The following TLN2 variants were observed in gnomAD, a reference collection of about 807,000 sequenced individuals.
The protein encoded by TLN2 is talin 2.
In TLN2, 118 loss-of-function variants were observed where a neutral mutation model predicts 294.7. The observed-to-expected ratio is 0.40, with a 90% confidence interval of 0.34 to 0.47. The LOEUF is 0.47. Ranked by LOEUF, TLN2 falls within the 20% of genes least tolerant of loss-of-function variation. The pLI is 0.84. For synonymous variants in TLN2, 1,431 were observed against 1,304.5 expected (o/e 1.10, Z -2.09); for missense variants, 3,083 against 3,282.2 (o/e 0.94, Z 1.48).
At chr15:62,735,312 A>T (rs1275678633) in intron 28 of TLN2, among the ~76,000 whole-genome samples, 2 of 152,216 alleles carry the variant, frequency 1.3e-5, no homozygotes, top group African/African-American at 4.8e-5. Context: ...ACTGTGTGCC[A>T]GGTAGTAAGA....
chr15:62,640,439 A>AG (rs2050915310), intron 3 of TLN2: 5 of 441,696 alleles, frequency 1.1e-5, no homozygotes, highest in South Asian at 8.0e-5. Flanking sequence ...GAGGTATGGT[A>AG]GCCTGGCCCT....
chr15:62,562,989 C>T (rs188915638), intron 1 of TLN2, among the ~76,000 whole-genome samples: 207 of 148,212 alleles, frequency 1.4e-3, no homozygotes, highest in African/African-American at 4.7e-3. Context: ...TTTATCCCCT[C>T]GTTGATTGAT....
At chr15:62,638,463 A>G (rs925152611) in intron 3 of TLN2, 27 of 448,640 alleles carry the variant, frequency 6.0e-5, no homozygotes, top group African/African-American at 1.2e-4. Context: ...CTACCTGGCA[A>G]TGGGAGGGTA....
chr15:62,729,188 G>A (rs762670392), intron 28 of TLN2, among the ~76,000 whole-genome samples: 2 of 152,068 alleles, frequency 1.3e-5, no homozygotes, highest in African/African-American at 4.8e-5. Flanking sequence ...CTTTTCCATC[G>A]ATTTAATTGC....
chr15:62,650,440 A>C (rs1213044150), intron 5 of TLN2, among the ~76,000 whole-genome samples: 1 of 152,194 alleles, frequency 6.6e-6, no homozygotes, highest in Non-Finnish European at 1.5e-5. Flanking sequence ...GGTAATTGTG[A>C]GATAAGATAC....
chr15:62,572,334 G>A (rs1317680230), intron 1 of TLN2, among the ~76,000 whole-genome samples: 1 of 152,058 alleles, frequency 6.6e-6, no homozygotes, highest in Admixed American at 6.6e-5. Context: ...TCGACCTCCT[G>A]GGAACAAGTG....
intron 1 of TLN2, among the ~76,000 whole-genome samples, chr15:62,495,441 C>G (rs957702589): frequency 5.3e-5 from 8 of 152,306 alleles, no homozygotes; most frequent in African/African-American, 1.7e-4. Flanking sequence ...AGGAAAGCCT[C>G]TCATGGGAAT....
rs576795358 is a variant in TLN2 at position 62,697,084 on chromosome 15, A to G, written c.1293-604A>G. Among the ~76,000 whole-genome samples, 4 of 152,324 alleles carry G rather than the reference A, an allele frequency of 2.6e-5. No homozygotes were observed. In the East Asian group the frequency reaches 5.8e-4, roughly 22 times the overall value. On this transcript the variant is annotated intron_variant, in intron 14 of 58. Coordinates refer to ENST00000636159, the MANE Select transcript of TLN2 (RefSeq NM_015059.3). ...ACATTCACTTAAAACCTGGAACATC[A>G]TTATTATGGGAATCTCTGTGTTGTT...
intron 11 of TLN2, among the ~76,000 whole-genome samples, chr15:62,676,678 G>A (rs1186992586): frequency 1.3e-5 from 2 of 152,128 alleles, no homozygotes; most frequent in Non-Finnish European, 2.9e-5. Flanking sequence ...GCAGTGGCGC[G>A]ATCGTGGCTC....
chr15:62,831,343 T>G (rs1373247970), intron 54 of TLN2: 1 of 151,878 alleles, frequency 6.6e-6, no homozygotes, highest in Non-Finnish European at 1.5e-5. Context: ...ATCTGCAAAA[T>G]GAGATGAGGA....
chr15:62,483,803 C>G (rs2038237529), intron 1 of TLN2, among the ~76,000 whole-genome samples: 1 of 152,228 alleles, frequency 6.6e-6, no homozygotes, highest in African/African-American at 2.4e-5. Flanking sequence ...ATAAAAATAC[C>G]TTCAAACTCC....
rs755927341 is a variant in TLN2 at position 62,800,484 on chromosome 15, G to GGCTGCCAAGGTAGAGTGGGGC, written c.6352_6360+12dup. The GGCTGCCAAGGTAGAGTGGGGC allele has an allele frequency of 3.7e-6, 6 of 1,614,106 alleles. No homozygotes were observed. In the African/African-American group the frequency reaches 8.0e-5, roughly 22 times the overall value. Reference sequence around the variant, plus strand: ...ACCCTTCCATGTACCAGCTCAAGGGGGCTGCCAAGGTAGAGTGGGGCTCCG... The same window carrying GGCTGCCAAGGTAGAGTGGGGC: ...ACCCTTCCATGTACCAGCTCAAGGGGGCTGCCAAGGTAGAGTGGGGCGCTGCCAAGGTAGAGTGGGGCTCCG... On this transcript the variant is annotated inframe_insertion, in exon 49 of 59. Transcript: ENST00000636159.
intron 1 of TLN2, among the ~76,000 whole-genome samples, chr15:62,581,170 G>A (rs949785269): frequency 1.7e-4 from 26 of 152,236 alleles, no homozygotes; most frequent in African/African-American, 4.8e-4. Context: ...GTGAGACACC[G>A]CGCCCGGCCC....
intron 1 of TLN2, among the ~76,000 whole-genome samples, chr15:62,574,517 G>T (rs1211294425): frequency 7.5e-6 from 1 of 132,676 alleles, no homozygotes; most frequent in Non-Finnish European, 1.6e-5. Context: ...GGTGTTTGTG[G>T]TTACAGTGAG....
intron 52 of TLN2, among the ~76,000 whole-genome samples, chr15:62,818,014 T>G (rs1476487803): frequency 1.3e-5 from 2 of 151,956 alleles, no homozygotes; most frequent in Non-Finnish European, 2.9e-5. Flanking sequence ...TTCACCATGT[T>G]GGCCGGGCTG....
chr15:62,614,772 G>C (rs181487696), intron 2 of TLN2, among the ~76,000 whole-genome samples: 4 of 152,280 alleles, frequency 2.6e-5, no homozygotes, highest in East Asian at 3.9e-4. Context: ...ATGTGTTTCT[G>C]ATGACTTCTC....
chr15:62,688,448 C>T (rs945364041), intron 12 of TLN2, among the ~76,000 whole-genome samples: 10 of 152,030 alleles, frequency 6.6e-5, no homozygotes, highest in Non-Finnish European at 8.8e-5. Context: ...GAGTGTTCTA[C>T]GAGTATTCAA....
Position 62,694,339 on chromosome 15 carries a change from A to T in TLN2, c.1239A>T (p.Gly413=). The part of the protein sequence containing the change: ...LKKKQSKDRF[G]LEGDEESTML... The stretch of plus-strand genomic sequence containing the variant: ...AGAAACAAAGTAAAGATCGATTTGG[A>T]CTAGAAGGTGATGAGGAGTCAACCA... Residue 413 remains glycine, a synonymous_variant, in exon 14 of 59, where the codon GGA becomes GGT. Transcript: ENST00000636159. The T allele has an allele frequency of 6.2e-7, 1 of 1,614,040 alleles. No homozygotes were observed. Among genetic ancestry groups the T allele is most frequent in the Non-Finnish European group, 8.5e-7 (1 of 1,179,978 alleles).
chr15:62,551,980 A>C (rs1427408734), intron 1 of TLN2, among the ~76,000 whole-genome samples: 1 of 152,230 alleles, frequency 6.6e-6, no homozygotes, highest in African/African-American at 2.4e-5. Flanking sequence ...GGCACACTTA[A>C]AGACAAAACA....
Sources: gnomAD v4.1 joint callset for allele counts (sites outside exome capture counted in the v4.1 genomes callset) on GRCh38, gnomAD v4.1.1 for gene constraint, MANE v1.5 for transcripts, NCBI Gene and HGNC (gene_info 2026-07-23, HGNC 2026-07-21) for gene names.